TEX9: variants seen among roughly 807,000 people sequenced by gnomAD.
The protein encoded by TEX9 is testis expressed 9.
A neutral mutation model predicts 59.6 loss-of-function variants in TEX9; 74 were observed. The observed-to-expected ratio is 1.24, with a 90% confidence interval of 1.03 to 1.51. The LOEUF is 1.51. Among genes scored for constraint, TEX9 ranks in the 40% most tolerant of loss-of-function variants. TEX9 has a pLI of 0.00. For synonymous variants in TEX9, 186 were observed against 152.2 expected (o/e 1.22, Z -1.64); for missense variants, 522 against 447.8 (o/e 1.17, Z -1.49).
intron 1 of TEX9, among the ~76,000 whole-genome samples, chr15:56,353,462 T>C (rs1238796902): frequency 2.0e-5 from 3 of 152,230 alleles, no homozygotes; most frequent in Non-Finnish European, 4.4e-5. Flanking sequence ...TACTCTGAAC[T>C]AACAGTGTAC....
chr15:56,358,774 G>T (rs2046735756), intron 1 of TEX9, among the ~76,000 whole-genome samples: 1 of 152,136 alleles, frequency 6.6e-6, no homozygotes, highest in African/African-American at 2.4e-5. Flanking sequence ...CGTGGTGGGA[G>T]GTGATTGAAT....
At chr15:56,420,411 G>A (rs563951110) in intron 10 of TEX9, among the ~76,000 whole-genome samples, 5 of 151,330 alleles carry the variant, frequency 3.3e-5, no homozygotes, top group South Asian at 2.1e-4. Flanking sequence ...AGGTTCAAGC[G>A]GTTCTCCTGC....
At chr15:56,247,138 TTG>T (rs1296581126) in intron 1 of TEX9, among the ~76,000 whole-genome samples, 1 of 152,218 alleles carries the variant, frequency 6.6e-6, no homozygotes, top group African/African-American at 2.4e-5. Context: ...TCTTGCTCTC[TTG>T]TGTCTGTAAA....
chr15:56,418,313 T>C (rs1349347362), intron 10 of TEX9, among the ~76,000 whole-genome samples: 2 of 151,866 alleles, frequency 1.3e-5, no homozygotes, highest in African/African-American at 4.9e-5. Context: ...TCTTAGCTGG[T>C]AGTGGTCTTT....
At chr15:56,441,406 T>C (rs577909995) in intron 12 of TEX9, among the ~76,000 whole-genome samples, 9 of 152,312 alleles carry the variant, frequency 5.9e-5, no homozygotes, top group African/African-American at 9.6e-5. Flanking sequence ...TTTATTGATA[T>C]TGCTTTCAAT....
At chr15:56,428,815 G>T in intron 12 of TEX9, 1 of 363,890 alleles carries the variant, frequency 2.7e-6, no homozygotes, top group Non-Finnish European at 4.9e-6. Context: ...CTTTGGGGTA[G>T]AGTTCTGTAT....
At chr15:56,427,192 A>G (rs1596240940) in intron 10 of TEX9, among the ~76,000 whole-genome samples, 2 of 152,106 alleles carry the variant, frequency 1.3e-5, no homozygotes, top group Non-Finnish European at 2.9e-5. Flanking sequence ...GTGGATCTCA[A>G]CCAGTATTTC....
chr15:56,385,208 A>G (rs576407499), intron 4 of TEX9, among the ~76,000 whole-genome samples: 2 of 152,248 alleles, frequency 1.3e-5, no homozygotes, highest in African/African-American at 4.8e-5. Flanking sequence ...CCATTGATCT[A>G]TATGGTTGTC....
At chr15:56,458,122 A>G in the TEX9 span, among the ~76,000 whole-genome samples, 1 of 152,222 alleles carries the variant, frequency 6.6e-6, no homozygotes, top group African/African-American at 2.4e-5. Context: ...AAAAGATTAC[A>G]TACAGTTTGA....
At chr15:56,308,563 A>G (rs2045534388) in intron 1 of TEX9, among the ~76,000 whole-genome samples, 1 of 151,962 alleles carries the variant, frequency 6.6e-6, no homozygotes, top group Non-Finnish European at 1.5e-5. Context: ...TAATTTTGAT[A>G]ATGTCCAGTT....
intron 1 of TEX9, among the ~76,000 whole-genome samples, chr15:56,267,080 T>C (rs978860989): frequency 6.6e-6 from 1 of 152,226 alleles, no homozygotes; most frequent in Non-Finnish European, 1.5e-5. Flanking sequence ...TGGCCAGTGA[T>C]GATGAGGATT....
At chr15:56,363,993 T>G (rs570353852), upstream of TEX9, among the ~76,000 whole-genome samples, 9 of 152,164 alleles carry the variant, frequency 5.9e-5, no homozygotes, top group Admixed American at 5.2e-4. Flanking sequence ...TTTTTGAATT[T>G]TAATACTTCT....
chr15:56,342,646 A>T (rs1448415018), intron 1 of TEX9, among the ~76,000 whole-genome samples: 1 of 152,196 alleles, frequency 6.6e-6, no homozygotes, highest in African/African-American at 2.4e-5. Flanking sequence ...AGAACAGTAA[A>T]GAACTTTTTT....
chr15:56,267,738 G>A (rs2044421997), intron 1 of TEX9, among the ~76,000 whole-genome samples: 1 of 152,156 alleles, frequency 6.6e-6, no homozygotes, highest in African/African-American at 2.4e-5. Context: ...TAGGGTTGTA[G>A]TATAGTTTGA....
At chr15:56,281,817 C>T (rs2044826385) in intron 1 of TEX9, among the ~76,000 whole-genome samples, 1 of 152,120 alleles carries the variant, frequency 6.6e-6, no homozygotes, top group Non-Finnish European at 1.5e-5. Context: ...TATAGCTCTA[C>T]CCAAATACAG....
chr15:56,277,026 T>C (rs1037149041), intron 1 of TEX9, among the ~76,000 whole-genome samples: 2 of 150,164 alleles, frequency 1.3e-5, no homozygotes, highest in Non-Finnish European at 3.0e-5. Flanking sequence ...GTTTTTTTTT[T>C]CTTGTAAATT....
rs775706457 is a variant in TEX9 at position 56,394,199 on chromosome 15, TG to T, written c.607del (p.Val203LeufsTer23). 6.2e-7 allele frequency: 1 copy of T among 1,609,196 alleles called. No homozygotes were observed. Among genetic ancestry groups the T allele is most frequent in the East Asian group, 2.2e-5 (1 of 44,616 alleles). ...TCAGATTTCTAAAGGCCAAACTCCA[TG>T]TTATGCAGGAGGAATTGGATAATGT... On this transcript the variant is annotated frameshift_variant, in exon 8 of 13. Transcript: ENST00000352903. LOFTEE classifies it high-confidence loss of function.
chr15:56,300,873 C>T (rs1596074030), intron 1 of TEX9, among the ~76,000 whole-genome samples: 1 of 152,218 alleles, frequency 6.6e-6, no homozygotes, highest in East Asian at 1.9e-4. Flanking sequence ...GGAAAGCTTT[C>T]CTAAGAAGAA....
chr15:56,396,709 T>C (rs367602673), intron 9 of TEX9: 1 of 152,004 alleles, frequency 6.6e-6, no homozygotes, highest in Non-Finnish European at 1.5e-5. Context: ...AAGTCTTTCC[T>C]GTGCTGTTCT....
Sources: allele counts gnomAD v4.1 joint callset (sites outside exome capture counted in the v4.1 genomes callset), GRCh38; gene constraint gnomAD v4.1.1; transcripts MANE v1.5; gene names NCBI Gene and HGNC (gene_info 2026-07-23, HGNC 2026-07-21).